NCOA7: variants seen among roughly 807,000 people sequenced by gnomAD.
NCOA7 encodes the protein nuclear receptor coactivator 7, also known as 140 kDa estrogen receptor-associated protein.
In NCOA7, 45 loss-of-function variants were observed where a neutral mutation model predicts 104.3. The observed-to-expected ratio is 0.43, with a 90% confidence interval of 0.34 to 0.55. The LOEUF (loss-of-function observed/expected upper bound fraction) is 0.55. Ranked by LOEUF, NCOA7 falls within the 20% of genes least tolerant of loss-of-function variation. The pLI is 0.02. For synonymous variants in NCOA7, 398 were observed against 402.3 expected, an observed-to-expected ratio of 0.99 and a Z score of 0.13; for missense variants, 1,041 against 1,119.7, an observed-to-expected ratio of 0.93 and a Z score of 1.00.
At chr6:125,922,533 T>C (rs933050832) in intron 12 of NCOA7, 149 bp from the exon 13 acceptor site, 2 of 925,446 alleles carry the variant, frequency 2.2e-6, no homozygotes, top group Admixed American at 2.8e-5. Context: ...TTTCTTGGTT[T>C]AGAATAGCAA....
chr6:125,874,610 C>G (rs1370034084), intron 3 of NCOA7, among the ~76,000 whole-genome samples: 1 of 152,204 alleles, frequency 6.6e-6, no homozygotes, highest in Non-Finnish European at 1.5e-5. Flanking sequence ...TGGTTTTACT[C>G]TAACTTCATA....
intron 10 of NCOA7, among the ~76,000 whole-genome samples, chr6:125,911,330 T>A (rs1786531398): frequency 6.6e-6 from 1 of 152,222 alleles, no homozygotes; most frequent in Admixed American, 6.5e-5. Context: ...TCAGTTTCCC[T>A]CCCACCACTC....
chr6:125,874,819 T>G, intron 3 of NCOA7, 70 bp from the exon 4 acceptor site: 1 of 1,177,524 alleles, frequency 8.5e-7, no homozygotes, highest in Admixed American at 1.8e-5. Flanking sequence ...GGTTTCTATA[T>G]ATGGTAGTTT....
At chr6:125,835,861 C>G (rs1052461647) in intron 2 of NCOA7, among the ~76,000 whole-genome samples, 1 of 152,210 alleles carries the variant, frequency 6.6e-6, no homozygotes, top group Non-Finnish European at 1.5e-5. Flanking sequence ...AGGCACTGTA[C>G]TAGGCACTGG....
At chr6:125,867,582 G>C (rs2128632182) in intron 3 of NCOA7, among the ~76,000 whole-genome samples, 1 of 152,242 alleles carries the variant, frequency 6.6e-6, no homozygotes, top group East Asian at 1.9e-4. Flanking sequence ...TGAATGGCAG[G>C]GATTCCCTCT....
chr6:125,920,594 A>G (rs1192150635), intron 11 of NCOA7, among the ~76,000 whole-genome samples: 1 of 152,186 alleles, frequency 6.6e-6, no homozygotes, highest in Non-Finnish European at 1.5e-5. Flanking sequence ...ATATGGAGAT[A>G]GGGGTCCCAT....
rs554059457 is a variant in NCOA7 at position 125,875,178 on chromosome 6, G to A, written c.351+210G>A. 22 of 457,036 alleles carry A rather than the reference G, an allele frequency of 4.8e-5. No individual in the cohort carries two copies. In the South Asian group the frequency reaches 5.9e-4, roughly 12 times the overall value. 28.3% of individuals were successfully genotyped at this position (457,036 alleles called of 1,614,324 possible). ...AAACCAGTGAATTGAGAATGTGAGG[G>A]TGATCTGGCTGCAACATCCATCACC... On this transcript the variant is annotated intron_variant, in intron 4 of 15. Transcript: ENST00000392477.
At chr6:125,895,596 C>T (rs539586095) in intron 10 of NCOA7, among the ~76,000 whole-genome samples, 24 of 152,196 alleles carry the variant, frequency 1.6e-4, no homozygotes, top group Admixed American at 1.3e-3. Context: ...TGACGAGAAA[C>T]AAAGGTTTAA....
At chr6:125,843,210 T>A (rs763054350) in intron 2 of NCOA7, among the ~76,000 whole-genome samples, 4 of 152,162 alleles carry the variant, frequency 2.6e-5, no homozygotes, top group Non-Finnish European at 5.9e-5. Context: ...AGAGGGAGGT[T>A]TGACTGCAGA....
At chr6:125,818,635 T>C (rs1191382210) in intron 2 of NCOA7, among the ~76,000 whole-genome samples, 1 of 152,132 alleles carries the variant, frequency 6.6e-6, no homozygotes, top group Non-Finnish European at 1.5e-5. Context: ...GTTTAGCTCT[T>C]ACAATGCAGT....
chr6:125,917,733 G>C (rs921983324), intron 11 of NCOA7, among the ~76,000 whole-genome samples: 11 of 152,184 alleles, frequency 7.2e-5, no homozygotes, highest in African/African-American at 2.7e-4. Flanking sequence ...TTTAAAGGGG[G>C]AAAAGTGGGC....
chr6:125,867,949 T>C (rs1343704648), intron 3 of NCOA7, among the ~76,000 whole-genome samples: 1 of 152,242 alleles, frequency 6.6e-6, no homozygotes. Context: ...CCCGCTTCTA[T>C]AGACCTGGAA....
chr6:125,882,117 G>T (rs1160130024), intron 6 of NCOA7, among the ~76,000 whole-genome samples: 1 of 152,102 alleles, frequency 6.6e-6, no homozygotes, highest in East Asian at 1.9e-4. Flanking sequence ...GCCTCCCAAA[G>T]TGCTGGGATT....
At chr6:125,925,349 A>G (rs1221106951) in intron 13 of NCOA7, among the ~76,000 whole-genome samples, 2 of 152,252 alleles carry the variant, frequency 1.3e-5, no homozygotes, top group African/African-American at 4.8e-5. Flanking sequence ...ACTTTACCAG[A>G]GAGATCCAAG....
chr6:125,883,280 T>A (rs1372307742), intron 7 of NCOA7, among the ~76,000 whole-genome samples: 1 of 152,210 alleles, frequency 6.6e-6, no homozygotes, highest in Non-Finnish European at 1.5e-5. Context: ...GAAAAATATG[T>A]TATTGATGTG....
intron 1 of NCOA7, among the ~76,000 whole-genome samples, chr6:125,805,060 C>G (rs1039250268): frequency 1.3e-5 from 2 of 149,232 alleles, no homozygotes; most frequent in African/African-American, 4.9e-5. Context: ...AGACAGTTGG[C>G]CATAAAGCTG....
chr6:125,798,050 T>G (rs1458546676), intron 1 of NCOA7: 1 of 152,196 alleles, frequency 6.6e-6, no homozygotes, highest in African/African-American at 2.4e-5. Flanking sequence ...TCAGTTACAA[T>G]GCTGGCAAGA....
chr6:125,889,954 T>C lies in NCOA7; in HGVS notation c.1900T>C (p.Leu634=). Residue 634 remains leucine, a synonymous_variant, in exon 9 of 16, where the codon TTA becomes CTA. Transcript: ENST00000392477. ...TAAATCTGAAGTTCAGTTGTGGCTG[T>C]TAAAGAGAATTCAGGTACCCATTGA... ...DNKSEVQLWL[L]KRIQVPIEDI... is the part of the protein sequence containing the mutation. 6.5e-7 allele frequency: 1 copy of C among 1,549,536 alleles called. No individual in the cohort carries two copies.
intron 10 of NCOA7, among the ~76,000 whole-genome samples, chr6:125,911,087 G>A (rs1323500905): frequency 5.9e-5 from 9 of 152,202 alleles, no homozygotes; most frequent in African/African-American, 2.2e-4. Flanking sequence ...CAAAGGCCCC[G>A]AGTTCTGGGA....
Sources: gnomAD v4.1 joint callset for allele counts (sites outside exome capture counted in the v4.1 genomes callset) on GRCh38, gnomAD v4.1.1 for gene constraint, MANE v1.5 for transcripts, NCBI Gene and HGNC (gene_info 2026-07-23, HGNC 2026-07-21) for gene names.